GNRH1: variants seen among roughly 807,000 people sequenced by gnomAD.
GNRH1 encodes the protein progonadoliberin-1.
A neutral mutation model predicts 13.6 loss-of-function variants in GNRH1; 9 were observed. The ratio of observed to expected loss-of-function variants is 0.66; its 90% CI spans 0.40 to 1.15. GNRH1 has a LOEUF of 1.15. Among genes scored for constraint, GNRH1 ranks in the 50% most tolerant of loss-of-function variants. The pLI is 0.01. For missense variants in GNRH1, 116 were observed against 110.8 expected, an observed-to-expected ratio of 1.05 and a Z score of -0.21; for synonymous variants, 44 against 40.1, an observed-to-expected ratio of 1.10 and a Z score of -0.37.
At chr8:25,420,874 C>T (rs183764100) in intron 3 of GNRH1, among the ~76,000 whole-genome samples, 2 of 152,268 alleles carry the variant, frequency 1.3e-5, no homozygotes, top group East Asian at 3.9e-4. Flanking sequence ...GCCCGGGGAA[C>T]AGAGCAAGAT....
At position 25,423,210 on chromosome 8, in the gene GNRH1, AATTTTCGGCATCTC is replaced by A. The variant is rs1218423594; in HGVS notation, c.107_120del (p.Arg36IlefsTer3). ...CTTACCTCTTGGAAAGAATCAATCA[AATTTTCGGCATCTC>A]TCTTTCCTCCAGGGCGCAGTCCATA... On this transcript the variant is annotated frameshift_variant, in exon 2 of 4. Transcript: ENST00000421054. LOFTEE classifies it high-confidence loss of function. 6.2e-7 allele frequency: 1 copy of A among 1,612,364 alleles called. No homozygotes were observed. Among genetic ancestry groups the A allele is most frequent in the African/African-American group, 1.3e-5 (1 of 74,878 alleles).
chr8:25,423,280 G>GCA lies in GNRH1; in HGVS notation c.49_50dup (p.Val18AlafsTer25), dbSNP rs1801800095. 1 of 1,610,742 alleles carries GCA rather than the reference G, an allele frequency of 6.2e-7. No homozygotes were observed. Among genetic ancestry groups the GCA allele is most frequent in the African/African-American group, 1.3e-5 (1 of 74,838 alleles). ...AGTGCTGGCTGGAGCAGCCTTCCAC[G>GCA]CACCAAGTCAGTAGAATAAGGCCAG... On this transcript the variant is annotated frameshift_variant, in exon 2 of 4. Transcript: ENST00000421054. LOFTEE classifies it high-confidence loss of function.
intron 3 of GNRH1, among the ~76,000 whole-genome samples, chr8:25,420,955 AAAACCTAATATGATT>A (rs1245405335): frequency 1.3e-5 from 2 of 152,194 alleles, no homozygotes; most frequent in Non-Finnish European, 2.9e-5. Flanking sequence ...TTTTTCATCA[AAAACCTAATATGATT>A]AGTGTATTTC....
intron 1 of GNRH1, 32 bp from the exon 2 acceptor site, chr8:25,423,363 T>A: frequency 6.2e-7 from 1 of 1,602,618 alleles, no homozygotes; most frequent in Non-Finnish European, 8.5e-7. Context: ...TCAAATTAGA[T>A]CCAGACAAGG....
chr8:25,423,079 C>T (rs1248095600), intron 2 of GNRH1, 111 bp downstream of exon 2: 10 of 858,318 alleles, frequency 1.2e-5, no homozygotes, highest in Non-Finnish European at 2.0e-5. Context: ...TCACCTGGAG[C>T]ATCTAGGGTA....
At chr8:25,421,503 A>G in intron 3 of GNRH1, 70 bp downstream of exon 3, 1 of 804,546 alleles carries the variant, frequency 1.2e-6, no homozygotes, top group Non-Finnish European at 2.2e-6. Context: ...AGCTGTCCTA[A>G]GTGATCCCCA....
chr8:25,423,452 G>T, intron 1 of GNRH1, 121 bp from the exon 2 acceptor site: 1 of 887,188 alleles, frequency 1.1e-6, no homozygotes, highest in Non-Finnish European at 1.8e-6. Context: ...GGAAGTCAGA[G>T]TCAGTTTTTA....
intron 2 of GNRH1, among the ~76,000 whole-genome samples, chr8:25,422,741 G>C (rs1014177795): frequency 1.3e-5 from 2 of 151,914 alleles, no homozygotes; most frequent in Admixed American, 6.6e-5. Context: ...AGAAATTATA[G>C]GGCATGCATC....
At chr8:25,422,254 T>C (rs912693596) in intron 2 of GNRH1, among the ~76,000 whole-genome samples, 9 of 152,226 alleles carry the variant, frequency 5.9e-5, no homozygotes, top group African/African-American at 2.2e-4. Flanking sequence ...TTTCCTTACA[T>C]GACCCTGATG....
chr8:25,421,768 T>C (rs375835475), intron 2 of GNRH1, 100 bp from the exon 3 acceptor site: 16 of 352,640 alleles, frequency 4.5e-5, no homozygotes, highest in South Asian at 3.5e-4. Context: ...TCAAGGGGGA[T>C]GTGGGGCTGG....
chr8:25,420,401 A>G (rs2117366474), intron 3 of GNRH1, among the ~76,000 whole-genome samples: 1 of 152,316 alleles, frequency 6.6e-6, no homozygotes, highest in East Asian at 1.9e-4. Flanking sequence ...ACGAAAAAGG[A>G]AATAACGACG....
At chr8:25,423,761 T>A (rs532608268) in intron 1 of GNRH1, 1 of 223,344 alleles carries the variant, frequency 4.5e-6, no homozygotes, top group African/African-American at 2.4e-5. Context: ...CTGGCTAATA[T>A]AAAATTGCTT....
At chr8:25,422,791 T>G (rs561440167) in intron 2 of GNRH1, among the ~76,000 whole-genome samples, 5 of 152,176 alleles carry the variant, frequency 3.3e-5, no homozygotes, top group Non-Finnish European at 7.3e-5. Flanking sequence ...AAAAATGTAC[T>G]GATCTAATAG....
At chr8:25,420,233 G>A (rs988977994) in intron 3 of GNRH1, among the ~76,000 whole-genome samples, 7 of 151,832 alleles carry the variant, frequency 4.6e-5, no homozygotes, top group Admixed American at 3.9e-4. Flanking sequence ...GGCCAACATG[G>A]TGAAACCCCA....
chr8:25,421,107 C>A (rs1256713790), intron 3 of GNRH1, among the ~76,000 whole-genome samples: 1 of 151,896 alleles, frequency 6.6e-6, no homozygotes, highest in South Asian at 2.1e-4. Context: ...GAAAAAAAAA[C>A]CCATCTACAG....
At chr8:25,423,115 G>A (rs1165489166) in intron 2 of GNRH1, 75 bp downstream of exon 2, 6 of 1,070,744 alleles carry the variant, frequency 5.6e-6, no homozygotes, top group East Asian at 2.4e-5. Flanking sequence ...TTGACATTGG[G>A]GCTATCCTGA....
chr8:25,422,261 G>A (rs1801783416), intron 2 of GNRH1, among the ~76,000 whole-genome samples: 2 of 152,126 alleles, frequency 1.3e-5, no homozygotes, highest in Admixed American at 1.3e-4. Flanking sequence ...ACATGACCCT[G>A]ATGAGTGGTC....
chr8:25,422,247 C>T (rs1362564271), intron 2 of GNRH1, among the ~76,000 whole-genome samples: 2 of 152,168 alleles, frequency 1.3e-5, no homozygotes, highest in Admixed American at 1.3e-4. Context: ...TGGCTTCTTT[C>T]CTTACATGAC....
chr8:25,423,897 C>T (rs1286863457), intron 1 of GNRH1: 1 of 152,856 alleles, frequency 6.5e-6, no homozygotes, highest in Non-Finnish European at 1.5e-5. Flanking sequence ...GTAGTTAGTC[C>T]CAGACCAGAT....
Sources: allele counts gnomAD v4.1 joint callset (sites outside exome capture counted in the v4.1 genomes callset), GRCh38; gene constraint gnomAD v4.1.1; transcripts MANE v1.5; gene names NCBI Gene and HGNC (gene_info 2026-07-23, HGNC 2026-07-21).